Variants in FOXK2 observed in about 807,000 individuals in gnomAD.
FOXK2 encodes the protein forkhead box protein K2.
A neutral mutation model predicts 53.3 loss-of-function variants in FOXK2; 24 were observed. That is an observed-to-expected ratio of 0.45 (90% CI 0.33 to 0.63). The LOEUF (loss-of-function observed/expected upper bound fraction) is 0.63, where lower values mean the gene tolerates loss of function less well. Ranked by LOEUF, FOXK2 falls within the 30% of genes least tolerant of loss-of-function variation. The probability of loss-of-function intolerance (pLI) is 0.03; values close to 1 mark genes in which losing one functional copy is unlikely to be tolerated. For synonymous variants in FOXK2, 505 were observed against 407.1 expected (o/e 1.24, Z -2.89); for missense variants, 952 against 910.5 (o/e 1.05, Z -0.59).
chr17:82,598,485 A>G (rs559317078), intron 8 of FOXK2, among the ~76,000 whole-genome samples: 65 of 152,330 alleles, frequency 4.3e-4, no homozygotes, highest in African/African-American at 1.5e-3. Flanking sequence ...TGCTGCCGTA[A>G]CAGAACACCC....
At chr17:82,536,314 T>G (rs913384082) in intron 1 of FOXK2, among the ~76,000 whole-genome samples, 2 of 152,336 alleles carry the variant, frequency 1.3e-5, no homozygotes, top group Middle Eastern at 3.4e-3. Flanking sequence ...CTTTCCTGTT[T>G]CTTTGTGTGC....
intron 1 of FOXK2, among the ~76,000 whole-genome samples, chr17:82,524,939 G>T (rs1461393108): frequency 6.6e-6 from 1 of 151,520 alleles, no homozygotes; most frequent in Non-Finnish European, 1.5e-5. Context: ...TTTTTACTTT[G>T]CCAGTGATAG....
chr17:82,592,620 C>G (rs143409468), intron 8 of FOXK2, among the ~76,000 whole-genome samples: 15 of 152,248 alleles, frequency 9.9e-5, no homozygotes, highest in Admixed American at 7.2e-4. Context: ...CTGCCTTGAT[C>G]GTTTGCTCCC....
chr17:82,563,676 T>G (rs1253999528), intron 2 of FOXK2, 128 bp downstream of exon 2: 2 of 780,378 alleles, frequency 2.6e-6, no homozygotes, highest in Non-Finnish European at 1.9e-6. Flanking sequence ...TAAAATATCA[T>G]TGGATTTCTG....
chr17:82,568,224 G>A (rs1196126569), intron 3 of FOXK2, 23 bp downstream of exon 3: 2 of 1,610,392 alleles, frequency 1.2e-6, no homozygotes, highest in East Asian at 2.3e-5. Flanking sequence ...TAGCCTTGAA[G>A]CAGCCCCTGG....
rs754503693 is a variant in FOXK2 at position 82,603,090 on chromosome 17, C to T, written c.*1591C>T. On this transcript the variant is annotated 3_prime_UTR_variant, in exon 9 of 9. Transcript: ENST00000335255. ...GGCCCTCAGCATGGGGCTGGGGCAG[C>T]GTCACTGCGGTGACGCCCATTGAAA... is the stretch of plus-strand genomic sequence containing the variant. The T allele has an allele frequency of 3.3e-5, 5 of 152,696 alleles. No individual in the cohort carries two copies. The highest frequency in any genetic ancestry group is 3.4e-3 in the Middle Eastern group (1 of 294). The allele number at this position is 152,696 out of a possible 1,614,324, so 9.5% of individuals were successfully genotyped here. A position where few individuals can be genotyped will look rare whatever the true frequency, so the allele number is the denominator to read the frequency against.
intron 1 of FOXK2, among the ~76,000 whole-genome samples, chr17:82,560,614 C>T (rs1370638265): frequency 6.6e-6 from 1 of 152,222 alleles, no homozygotes; most frequent in Admixed American, 6.5e-5. Context: ...CTGCTTCTCT[C>T]TTGGTCTTCG....
chr17:82,534,594 G>A (rs2044503196), intron 1 of FOXK2, among the ~76,000 whole-genome samples: 1 of 152,152 alleles, frequency 6.6e-6, no homozygotes, highest in African/African-American at 2.4e-5. Flanking sequence ...ACCCTCCTGG[G>A]ACTGCGCTAC....
chr17:82,597,505 T>G (rs1339714721), intron 8 of FOXK2, among the ~76,000 whole-genome samples: 1 of 152,180 alleles, frequency 6.6e-6, no homozygotes, highest in Non-Finnish European at 1.5e-5. Flanking sequence ...TGCTGAGACC[T>G]CTGCTTCAGG....
At chr17:82,560,240 C>T (rs1461382372) in intron 1 of FOXK2, among the ~76,000 whole-genome samples, 1 of 151,980 alleles carries the variant, frequency 6.6e-6, no homozygotes, top group East Asian at 1.9e-4. Context: ...GATCTCCTGA[C>T]CTCATGATCT....
chr17:82,529,730 T>G (rs1455956297), intron 1 of FOXK2, among the ~76,000 whole-genome samples: 1 of 152,122 alleles, frequency 6.6e-6, no homozygotes, highest in Non-Finnish European at 1.5e-5. Context: ...TGAGACTCAT[T>G]GCGGAGTCAC....
intron 1 of FOXK2, among the ~76,000 whole-genome samples, chr17:82,554,111 C>T (rs8077791): frequency 0.17 from 25,235 of 152,156 alleles, 2,591 homozygotes; most frequent in East Asian, 0.39. Flanking sequence ...GGATTACAGG[C>T]GTGAGCCACC....
chr17:82,570,002 C>T (rs2044896786), intron 3 of FOXK2, among the ~76,000 whole-genome samples: 1 of 152,038 alleles, frequency 6.6e-6, no homozygotes, highest in Admixed American at 6.6e-5. Context: ...GTGGGCGGAT[C>T]ACGAGGTCAG....
chr17:82,600,910 G>A (rs2045375587), intron 8 of FOXK2: 1 of 166,870 alleles, frequency 6.0e-6, no homozygotes, highest in Non-Finnish European at 1.3e-5. Context: ...CTCCTTCGCC[G>A]AGCCAGCAGG....
Position 82,587,931 on chromosome 17 carries a change from T to G in FOXK2, c.1786+659T>G, listed in dbSNP as rs550204298. On this transcript the variant is annotated intron_variant, in intron 8 of 8. Coordinates refer to ENST00000335255, the MANE Select transcript of FOXK2 (RefSeq NM_004514.4). ...CGGCTGTGTGGCTGATCCTGGCGCTTGCGGGATCTCAAGCAGGCAAATCCG... is the reference window on the plus strand; with the variant it reads ...CGGCTGTGTGGCTGATCCTGGCGCTGGCGGGATCTCAAGCAGGCAAATCCG... Among the ~76,000 whole-genome samples the G allele has an allele frequency of 5.3e-5, 8 of 152,230 alleles. No homozygotes were observed. The East Asian group carries it at 9.6e-4, about 18-fold the overall frequency.
At chr17:82,559,478 C>A (rs1413836846) in intron 1 of FOXK2, 5 of 456,208 alleles carry the variant, frequency 1.1e-5, no homozygotes, top group Non-Finnish European at 1.8e-5. Context: ...AGCCGTTAGG[C>A]TGGTATGAGA....
At chr17:82,538,218 G>A (rs765457413) in intron 1 of FOXK2, among the ~76,000 whole-genome samples, 1 of 151,956 alleles carries the variant, frequency 6.6e-6, no homozygotes, top group Non-Finnish European at 1.5e-5. Context: ...GCAAGACTCC[G>A]TCTGAAAAAA....
intron 1 of FOXK2, among the ~76,000 whole-genome samples, chr17:82,521,365 G>A (rs2044359847): frequency 1.3e-5 from 2 of 151,754 alleles, no homozygotes; most frequent in African/African-American, 4.8e-5. Flanking sequence ...GTAGAGACGG[G>A]GTTTCACCAT....
At chr17:82,557,337 T>C (rs1256750654) in intron 1 of FOXK2, among the ~76,000 whole-genome samples, 3 of 151,080 alleles carry the variant, frequency 2.0e-5, no homozygotes, top group African/African-American at 7.3e-5. Flanking sequence ...TGGCCTATTT[T>C]TATTTTTTAT....
Sources: gnomAD v4.1 joint callset for allele counts (sites outside exome capture counted in the v4.1 genomes callset) on GRCh38, gnomAD v4.1.1 for gene constraint, MANE v1.5 for transcripts, NCBI Gene and HGNC (gene_info 2026-07-23, HGNC 2026-07-21) for gene names.